Variants in ANKRD36C observed in about 807,000 individuals in gnomAD.
ANKRD36C encodes ankyrin repeat domain-containing protein 36C.
Under a neutral mutation model 276.4 loss-of-function variants are expected in ANKRD36C, and 61 were observed. The observed-to-expected ratio is 0.22, with a 90% CI of 0.18 to 0.27. The LOEUF (loss-of-function observed/expected upper bound fraction) is 0.27, where lower values mean the gene tolerates loss of function less well. ANKRD36C is among the 10% of genes least tolerant of loss of function. The probability of loss-of-function intolerance (pLI) is 1.00; values close to 1 mark genes in which losing one functional copy is unlikely to be tolerated. For synonymous variants in ANKRD36C, 483 were observed against 680.1 expected (o/e 0.71, Z 4.51); for missense variants, 1,447 against 2,032.3 (o/e 0.71, Z 5.54).
intron 59 of ANKRD36C, among the ~76,000 whole-genome samples, chr2:95,871,015 G>A (rs1675797768): frequency 6.6e-6 from 1 of 152,168 alleles, no homozygotes; most frequent in Admixed American, 6.5e-5. Context: ...ATGGGACTAA[G>A]TGAAAAGACC....
chr2:95,953,474 C>T (rs1266423807), intron 14 of ANKRD36C, among the ~76,000 whole-genome samples: 1 of 151,912 alleles, frequency 6.6e-6, no homozygotes, highest in African/African-American at 2.4e-5. Flanking sequence ...AATATGTGCA[C>T]AAGAAATAAA....
At chr2:95,866,652 C>A (rs1029469128) in intron 60 of ANKRD36C, among the ~76,000 whole-genome samples, 6 of 152,018 alleles carry the variant, frequency 3.9e-5, no homozygotes, top group Non-Finnish European at 5.9e-5. Flanking sequence ...AACATAGCAA[C>A]TGGAATGGTC....
chr2:95,914,025 G>A (rs1476148406), intron 40 of ANKRD36C, 83 bp downstream of exon 42: 36 of 1,356,916 alleles, frequency 2.7e-5, no homozygotes, highest in Non-Finnish European at 3.2e-5. Flanking sequence ...CAGCTTCAAC[G>A]AGCCCCCCGC....
At chr2:95,880,225 A>C (rs1281980792) in intron 58 of ANKRD36C, among the ~76,000 whole-genome samples, 4 of 152,194 alleles carry the variant, frequency 2.6e-5, no homozygotes, top group Admixed American at 1.3e-4. Flanking sequence ...ACAAAACAAA[A>C]ACCTTATGTT....
At chr2:95,895,692 T>G in intron 44 of ANKRD36C, 102 bp from the exon 61 acceptor site, 1 of 1,537,118 alleles carries the variant, frequency 6.5e-7, no homozygotes, top group South Asian at 1.2e-5. Flanking sequence ...CCTGCCTGTA[T>G]TAGTGGAGGC....
chr2:95,895,659 G>A, intron 44 of ANKRD36C, 69 bp from the exon 61 acceptor site: 1 of 1,566,194 alleles, frequency 6.4e-7, no homozygotes, highest in Non-Finnish European at 8.7e-7. Context: ...CATTCACACA[G>A]TGTTAGCATC....
chr2:95,890,425 A>C (rs1676314338), intron 46 of ANKRD36C, among the ~76,000 whole-genome samples: 1 of 151,526 alleles, frequency 6.6e-6, no homozygotes, highest in East Asian at 1.9e-4. Context: ...ATGCTCTTTA[A>C]TTTGCCCAAT....
At chr2:95,858,136 T>C (rs572028036) in intron 61 of ANKRD36C, among the ~76,000 whole-genome samples, 99 of 151,630 alleles carry the variant, frequency 6.5e-4, no homozygotes, top group South Asian at 6.3e-3. Flanking sequence ...TTCTCTAAAA[T>C]GTATAAAACC....
intron 60 of ANKRD36C, among the ~76,000 whole-genome samples, chr2:95,862,167 T>C (rs1398342134): frequency 4.6e-5 from 7 of 152,028 alleles, no homozygotes; most frequent in Admixed American, 4.6e-4. Flanking sequence ...TACCCTTTAC[T>C]CAATAAGTGA....
At chr2:95,888,821 C>T (rs1676265330) in intron 48 of ANKRD36C, among the ~76,000 whole-genome samples, 1 of 151,568 alleles carries the variant, frequency 6.6e-6, no homozygotes, top group Non-Finnish European at 1.5e-5. Flanking sequence ...TCATCAATTA[C>T]CAATGTTGAC....
intron 64 of ANKRD36C, 106 bp from the exon 85 acceptor site, chr2:95,852,302 T>A (rs929038601): frequency 3.5e-5 from 30 of 856,182 alleles, no homozygotes; most frequent in Non-Finnish European, 5.0e-5. Flanking sequence ...ACTATCAGAA[T>A]CTTTTTTATT....
chr2:95,859,584 A>G (rs1282441962), intron 61 of ANKRD36C, among the ~76,000 whole-genome samples: 2 of 152,172 alleles, frequency 1.3e-5, no homozygotes, highest in Non-Finnish European at 2.9e-5. Flanking sequence ...TTTAAAACCT[A>G]AAATTCAATT....
At chr2:95,896,025 C>A (rs1676538706) in intron 44 of ANKRD36C, among the ~76,000 whole-genome samples, 1 of 146,962 alleles carries the variant, frequency 6.8e-6, no homozygotes, top group African/African-American at 2.5e-5. Context: ...TGCTCTTTAA[C>A]TTGCCCAATA....
Position 95,910,383 on chromosome 2 carries a change from T to A in ANKRD36C, c.2653+1861A>T, listed in dbSNP as rs751862033. ...TGTTTTCAAAATTACCTGTCCTAGA[T>A]TTTTCTCCATCCTTTTCTTCTCTGG... is the stretch of plus-strand genomic sequence containing the variant. On this transcript the variant is annotated intron_variant, in intron 42 of 66. Coordinates refer to ENST00000456556, the Ensembl canonical transcript of ANKRD36C. The A allele has an allele frequency of 1.1e-5, 17 of 1,541,356 alleles. 1 individual carries two copies. The Middle Eastern group carries it at 1.5e-3, about 140-fold the overall frequency.
At chr2:95,980,307 C>T (rs1462961208) in intron 5 of ANKRD36C, among the ~76,000 whole-genome samples, 2 of 151,968 alleles carry the variant, frequency 1.3e-5, no homozygotes, top group Admixed American at 6.6e-5. Context: ...CATTTTGAGA[C>T]CCAAATAACT....
intron 60 of ANKRD36C, among the ~76,000 whole-genome samples, chr2:95,861,676 A>T (rs1675586274): frequency 6.6e-6 from 1 of 152,144 alleles, no homozygotes; most frequent in Non-Finnish European, 1.5e-5. Context: ...AAGCAGGAAA[A>T]GAAGGGGAAC....
chr2:95,917,924 T>C, exon 36 of ANKRD36C: 6 of 1,606,860 alleles, frequency 3.7e-6, no homozygotes, highest in Non-Finnish European at 5.1e-6. Context: ...TCGTCAGTTG[T>C]AGCCTGAATG....
At chr2:95,882,600 T>A (rs1423326495) in intron 54 of ANKRD36C, 103 bp from the exon 75 acceptor site, 2 of 1,358,472 alleles carry the variant, frequency 1.5e-6, no homozygotes, top group Non-Finnish European at 9.9e-7. Context: ...CTGCCTGTAC[T>A]AGTGTAGGAT....
chr2:95,927,233 C>T (rs753125069), exon 28 of ANKRD36C: 2 of 1,610,008 alleles, frequency 1.2e-6, no homozygotes, highest in Admixed American at 1.7e-5. Flanking sequence ...ATTGTTGTCC[C>T]TCCTTTATTT....
Sources: gnomAD v4.1 joint callset for allele counts (sites outside exome capture counted in the v4.1 genomes callset) on GRCh38, gnomAD v4.1.1 for gene constraint, MANE v1.5 for transcripts, NCBI Gene and HGNC (gene_info 2026-07-23, HGNC 2026-07-21) for gene names.